PDZD2: variants seen among roughly 807,000 people sequenced by gnomAD.
PDZD2 encodes the protein PDZ domain containing 2, also known as PDZ domain-containing protein 2.
In PDZD2, 90 loss-of-function variants were observed where a neutral mutation model predicts 220.7. The ratio of observed to expected loss-of-function variants is 0.41; its 90% CI spans 0.34 to 0.49. The LOEUF is 0.49. Ranked by LOEUF, PDZD2 falls within the 20% of genes least tolerant of loss-of-function variation. PDZD2 has a pLI of 0.28. For missense variants in PDZD2, 3,174 were observed against 3,608.5 expected, an observed-to-expected ratio of 0.88 and a Z score of 3.08; for synonymous variants, 1,375 against 1,450.5, an observed-to-expected ratio of 0.95 and a Z score of 1.18.
chr5:31,787,958 A>G (rs1460419763), intron 1 of PDZD2, among the ~76,000 whole-genome samples: 1 of 152,030 alleles, frequency 6.6e-6, no homozygotes, highest in Admixed American at 6.6e-5. Context: ...TTTCTTTTCT[A>G]GCCTAGCGCA....
intron 7 of PDZD2, among the ~76,000 whole-genome samples, chr5:32,047,265 T>TTCC (rs1738067118): frequency 6.6e-6 from 1 of 152,142 alleles, no homozygotes; most frequent in Admixed American, 6.6e-5. Context: ...TTTTCCAGAA[T>TTCC]AGCCAAAATT....
intron 2 of PDZD2, among the ~76,000 whole-genome samples, chr5:31,960,509 A>C (rs1476245952): frequency 6.6e-6 from 1 of 152,152 alleles, no homozygotes; most frequent in Non-Finnish European, 1.5e-5. Flanking sequence ...GTGCCCGGCC[A>C]ACCCAGATGC....
At chr5:32,018,828 A>G (rs369471845) in intron 6 of PDZD2, among the ~76,000 whole-genome samples, 74 of 152,370 alleles carry the variant, frequency 4.9e-4, no homozygotes, top group African/African-American at 1.8e-3. Flanking sequence ...TCGGATTGCC[A>G]GAGCAAGATA....
intron 1 of PDZD2, among the ~76,000 whole-genome samples, chr5:31,717,183 C>T (rs1478958418): frequency 1.3e-5 from 2 of 152,032 alleles, no homozygotes; most frequent in Non-Finnish European, 2.9e-5. Flanking sequence ...TATTGAGTGC[C>T]CGTTGTGTCT....
intron 1 of PDZD2, among the ~76,000 whole-genome samples, chr5:31,786,777 G>A (rs916167615): frequency 6.6e-6 from 1 of 152,192 alleles, no homozygotes; most frequent in Non-Finnish European, 1.5e-5. Flanking sequence ...GCCTGGGGCC[G>A]TACAGCTAGC....
In PDZD2 at chr5:32,000,624, C is replaced by T. The variant is rs1752030858; in HGVS notation, c.1254+353C>T. Among the ~76,000 whole-genome samples, 1 of 152,162 alleles carries T rather than the reference C, an allele frequency of 6.6e-6. No individual in the cohort carries two copies. Among genetic ancestry groups the T allele is most frequent in the South Asian group, 2.1e-4 (1 of 4,824 alleles). ...CTTCCGGATTCAAGCAGTTCTCCTG[C>T]CTCAGCCTCCCAAGTAGCTAGGATT... On this transcript the variant is annotated intron_variant, in intron 5 of 24. Coordinates refer to ENST00000438447, the MANE Select transcript of PDZD2 (RefSeq NM_178140.4). The surrounding 1 kb of genome is among the most constrained non-coding windows in gnomAD (Gnocchi z 4.5).
chr5:32,057,578 A>G, intron 10 of PDZD2, 77 bp from the exon 11 acceptor site: 1 of 840,914 alleles, frequency 1.2e-6, no homozygotes, highest in African/African-American at 1.7e-5. Flanking sequence ...TGGTATCCCA[A>G]AATAAGTCTG....
At chr5:31,750,627 G>A (rs1036034133) in intron 1 of PDZD2, among the ~76,000 whole-genome samples, 4 of 152,168 alleles carry the variant, frequency 2.6e-5, no homozygotes, top group African/African-American at 7.2e-5. Flanking sequence ...GTCCGAGTGG[G>A]TGCTGTGACG....
intron 2 of PDZD2, among the ~76,000 whole-genome samples, chr5:31,804,606 C>G (rs1269687357): frequency 6.6e-6 from 1 of 152,164 alleles, no homozygotes; most frequent in Non-Finnish European, 1.5e-5. Context: ...AACCCAAGTC[C>G]TTCTGGCTCC....
chr5:32,110,317 A>G lies in PDZD2; in HGVS notation c.*2182A>G, dbSNP rs750752844. 2 of 152,670 alleles carry G rather than the reference A, an allele frequency of 1.3e-5. No homozygotes were observed. The highest frequency in any genetic ancestry group is 2.9e-5 in the Non-Finnish European group (2 of 68,054). The allele number at this position is 152,670 out of a possible 1,614,324, so 9.5% of individuals were successfully genotyped here. A position where few individuals can be genotyped will look rare whatever the true frequency, so the allele number is the denominator to read the frequency against. On this transcript the variant is annotated 3_prime_UTR_variant, in exon 25 of 25. Transcript: ENST00000438447. The stretch of plus-strand genomic sequence containing the variant: ...CAAGGGTAGACCTCTGGCTTACCAC[A>G]TACACTATGCTAAAGTCATCAGCCA...
intron 3 of PDZD2, 74 bp downstream of exon 3, chr5:31,983,730 A>T: frequency 1.4e-6 from 2 of 1,413,684 alleles, no homozygotes; most frequent in Non-Finnish European, 1.9e-6. Context: ...AGCCCAGCCC[A>T]TGCGGGAAAT....
intron 2 of PDZD2, among the ~76,000 whole-genome samples, chr5:31,886,842 C>T (rs564331616): frequency 2.6e-5 from 4 of 152,234 alleles, no homozygotes; most frequent in South Asian, 4.1e-4. Flanking sequence ...GCACTACAGG[C>T]GCCTGCCACC....
intron 1 of PDZD2, chr5:31,747,829 C>T (rs896585458): frequency 1.3e-5 from 2 of 152,850 alleles, no homozygotes; most frequent in Non-Finnish European, 2.9e-5. Flanking sequence ...CCCCATAATC[C>T]TGCCCCAGGA....
rs372390352 is a variant in PDZD2, at chr5:32,004,752, A to G, written c.1254+4481A>G. ...TTTATGCAAATAAAATATAAAGAAC[A>G]CTAGAGCCAATGGTATTAGAAAAAG... On this transcript the variant is annotated intron_variant, in intron 5 of 24. Coordinates refer to ENST00000438447, the MANE Select transcript of PDZD2 (RefSeq NM_178140.4). Among the ~76,000 whole-genome samples, 5 of 152,370 alleles carry G rather than the reference A, an allele frequency of 3.3e-5. No homozygotes were observed. In the East Asian group the frequency reaches 5.8e-4, roughly 18 times the overall value.
intron 2 of PDZD2, among the ~76,000 whole-genome samples, chr5:31,889,364 G>C (rs1248594946): frequency 6.6e-6 from 1 of 152,208 alleles, no homozygotes; most frequent in Non-Finnish European, 1.5e-5. Flanking sequence ...CACTTGGCCA[G>C]GGGAGGACTG....
Position 31,925,761 on chromosome 5 carries a change from C to CAAAAA in PDZD2, c.477-57386_477-57382dup, listed in dbSNP as rs70957983. On this transcript the variant is annotated intron_variant, in intron 2 of 24. Coordinates refer to ENST00000438447, the MANE Select transcript of PDZD2 (RefSeq NM_178140.4). ...TAAGAAACTTAAACTAGCCAACAAG[C>CAAAAA]AAAAAAAAAAAAGATAACCCATTTA... Among the ~76,000 whole-genome samples, 286 of 137,618 alleles carry CAAAAA rather than the reference C, an allele frequency of 2.1e-3. 2 individuals carry two copies. Among genetic ancestry groups the CAAAAA allele is most frequent in the Middle Eastern group, 7.2e-3 (2 of 278 alleles). 90.3% of individuals were successfully genotyped at this position (137,618 alleles called of 152,430 possible). A position where few individuals can be genotyped will look rare whatever the true frequency, so the allele number is the denominator to read the frequency against.
intron 2 of PDZD2, among the ~76,000 whole-genome samples, chr5:31,864,596 T>TCCCAG (rs1738021168): frequency 6.6e-6 from 1 of 152,010 alleles, no homozygotes; most frequent in Admixed American, 6.6e-5. Flanking sequence ...CTCAGCTCAC[T>TCCCAG]GCAACCTCTG....
intron 1 of PDZD2, among the ~76,000 whole-genome samples, chr5:31,667,030 A>G (rs983402220): frequency 1.3e-5 from 2 of 151,814 alleles, no homozygotes; most frequent in Middle Eastern, 3.2e-3. Flanking sequence ...AGGTCAGGAG[A>G]TCGAGACCAT....
At chr5:32,049,057 G>GA (rs1738256103) in intron 8 of PDZD2, among the ~76,000 whole-genome samples, 2 of 152,148 alleles carry the variant, frequency 1.3e-5, no homozygotes, top group South Asian at 4.1e-4. Flanking sequence ...ATGTATGAGA[G>GA]AGGGAGTGTG....
Sources: allele counts gnomAD v4.1 joint callset (sites outside exome capture counted in the v4.1 genomes callset), GRCh38; gene constraint gnomAD v4.1.1; non-coding constraint Gnocchi (gnomAD v3.1); transcripts MANE v1.5; gene names NCBI Gene and HGNC (gene_info 2026-07-23, HGNC 2026-07-21).